The following TRIM4 variants were observed in gnomAD, a reference collection of about 807,000 sequenced individuals.
The protein encoded by TRIM4 is E3 ubiquitin-protein ligase TRIM4.
In TRIM4, 29 loss-of-function variants were observed where a neutral mutation model predicts 33.7. That is an observed-to-expected ratio of 0.86 (90% CI 0.64 to 1.17). The LOEUF (loss-of-function observed/expected upper bound fraction) is 1.17. TRIM4 is among the 50% of genes most tolerant of loss of function. The pLI is 0.00. For synonymous variants in TRIM4, 224 were observed against 233.0 expected (o/e 0.96, Z 0.35); for missense variants, 554 against 593.7 (o/e 0.93, Z 0.69).
chr7:99,899,222 T>C (rs1819097585), intron 5 of TRIM4, among the ~76,000 whole-genome samples: 3 of 152,282 alleles, frequency 2.0e-5, no homozygotes, highest in East Asian at 1.9e-4. Flanking sequence ...ATAAAGGCCA[T>C]GTGAACTCCT....
Position 99,903,603 on chromosome 7 carries a change from G to A in TRIM4, c.721-5C>T, listed in dbSNP as rs1171946584. 2.5e-6 allele frequency: 4 copies of A among 1,614,214 alleles called. No homozygotes were observed. Among genetic ancestry groups the A allele is most frequent in the Non-Finnish European group, 3.4e-6 (4 of 1,180,028 alleles). On this transcript the variant is annotated splice_polypyrimidine_tract_variant and splice_region_variant and intron_variant, in intron 3 of 5. Transcript: ENST00000349062. ...GGTCAACACTTCTTTTGGATTCTGT[G>A]AAAAGAAGGAAGACATAAGCAAATT...
intron 5 of TRIM4, among the ~76,000 whole-genome samples, chr7:99,895,510 A>C (rs939648119): frequency 1.3e-5 from 2 of 152,324 alleles, no homozygotes; most frequent in Non-Finnish European, 2.9e-5. Flanking sequence ...TGAAAAAAAT[A>C]TGTAGTATAT....
At chr7:99,897,771 C>G (rs1819055566) in intron 5 of TRIM4, among the ~76,000 whole-genome samples, 1 of 152,212 alleles carries the variant, frequency 6.6e-6, no homozygotes, top group Non-Finnish European at 1.5e-5. Context: ...CACTGTCTTA[C>G]TCTGGCCACT....
chr7:99,902,510 G>C (rs995433270), intron 5 of TRIM4, among the ~76,000 whole-genome samples: 3 of 152,164 alleles, frequency 2.0e-5, no homozygotes, highest in Non-Finnish European at 2.9e-5. Flanking sequence ...ACCTCCCAAA[G>C]TGCTGGGATT....
intron 3 of TRIM4, 170 bp downstream of exon 3, chr7:99,908,412 A>C: frequency 1.7e-6 from 1 of 599,186 alleles, no homozygotes; most frequent in African/African-American, 1.8e-5. Flanking sequence ...TTTCACATTA[A>C]TTTCCTTTGA....
intron 5 of TRIM4, 26 bp downstream of exon 5, chr7:99,903,192 C>A (rs937235750): frequency 6.5e-7 from 1 of 1,545,924 alleles, no homozygotes; most frequent in Non-Finnish European, 8.9e-7. Flanking sequence ...TTCTAAGGAG[C>A]CCCAAGTCCT....
chr7:99,896,853 A>T (rs1387146045), intron 5 of TRIM4, among the ~76,000 whole-genome samples: 1 of 152,262 alleles, frequency 6.6e-6, no homozygotes, highest in Non-Finnish European at 1.5e-5. Flanking sequence ...CAACTAAGGG[A>T]AAGTCAAATG....
chr7:99,903,054 G>A (rs145581950), intron 5 of TRIM4, among the ~76,000 whole-genome samples, 164 bp downstream of exon 5: 170 of 152,166 alleles, frequency 1.1e-3, no homozygotes, highest in Middle Eastern at 0.01. Flanking sequence ...GTAACAGTGC[G>A]TTAAATAAAT....
chr7:99,918,662 C>A (rs1468471033), intron 1 of TRIM4, among the ~76,000 whole-genome samples: 1 of 152,026 alleles, frequency 6.6e-6, no homozygotes, highest in East Asian at 1.9e-4. Context: ...TTAACGTCAC[C>A]TCGTTTCCTT....
At chr7:99,898,351 A>C (rs1184286117) in intron 5 of TRIM4, among the ~76,000 whole-genome samples, 2 of 152,232 alleles carry the variant, frequency 1.3e-5, no homozygotes, top group African/African-American at 4.8e-5. Flanking sequence ...TAAACTCTTA[A>C]TGTGGGGTGG....
At chr7:99,907,110 G>GTTTGT (rs1047780018) in intron 3 of TRIM4, among the ~76,000 whole-genome samples, 8 of 152,170 alleles carry the variant, frequency 5.3e-5, no homozygotes, top group East Asian at 3.9e-4. Flanking sequence ...AGTTTCATCT[G>GTTTGT]TTTGTTTTGT....
At chr7:99,914,764 G>A (rs989321828) in intron 1 of TRIM4, among the ~76,000 whole-genome samples, 2 of 152,128 alleles carry the variant, frequency 1.3e-5, no homozygotes, top group African/African-American at 2.4e-5. Flanking sequence ...CCTCCTAAGA[G>A]AAGACTGCTC....
At chr7:99,905,827 C>A (rs1322077551) in intron 3 of TRIM4, among the ~76,000 whole-genome samples, 4 of 152,206 alleles carry the variant, frequency 2.6e-5, no homozygotes, top group African/African-American at 9.6e-5. Context: ...AAGAGTGCGT[C>A]CTGAAAGATA....
intron 5 of TRIM4, among the ~76,000 whole-genome samples, chr7:99,894,077 C>T (rs1032146656): frequency 1.3e-5 from 2 of 151,080 alleles, no homozygotes; most frequent in African/African-American, 4.9e-5. Flanking sequence ...TATACATTAT[C>T]CTTTTTGTAT....
intron 1 of TRIM4, among the ~76,000 whole-genome samples, chr7:99,915,282 C>T (rs985088573): frequency 5.3e-5 from 8 of 152,094 alleles, no homozygotes; most frequent in Non-Finnish European, 8.8e-5. Context: ...CATCTGGTGC[C>T]GTGCCACAGC....
chr7:99,913,491 A>AC (rs1819488935), intron 1 of TRIM4, among the ~76,000 whole-genome samples: 1 of 151,876 alleles, frequency 6.6e-6, no homozygotes, highest in Admixed American at 6.6e-5. Flanking sequence ...ACATGGTGAA[A>AC]CCCCGTCTTT....
chr7:99,907,037 T>C (rs1443625164), intron 3 of TRIM4, among the ~76,000 whole-genome samples: 1 of 152,176 alleles, frequency 6.6e-6, no homozygotes, highest in Non-Finnish European at 1.5e-5. Context: ...AAATCAATTT[T>C]AAAAATGGGT....
chr7:99,909,420 G>T, intron 2 of TRIM4, 145 bp downstream of exon 2: 1 of 611,692 alleles, frequency 1.6e-6, no homozygotes, highest in Non-Finnish European at 2.8e-6. Flanking sequence ...TCAGTCACAT[G>T]ATATGGAGGA....
intron 3 of TRIM4, among the ~76,000 whole-genome samples, chr7:99,905,090 C>CATAT (rs748852814): frequency 6.7e-6 from 1 of 149,660 alleles, no homozygotes; most frequent in African/African-American, 2.5e-5. Context: ...GGTGTACATA[C>CATAT]ATATATATAT....
Sources: allele counts gnomAD v4.1 joint callset (sites outside exome capture counted in the v4.1 genomes callset), GRCh38; gene constraint gnomAD v4.1.1; transcripts MANE v1.5; gene names NCBI Gene and HGNC (gene_info 2026-07-23, HGNC 2026-07-21).